Variants in WDFY2 observed in about 807,000 individuals in gnomAD.
WDFY2 encodes WD repeat and FYVE domain containing 2.
In WDFY2, 36 loss-of-function variants were observed where a neutral mutation model predicts 56.4. The ratio of observed to expected loss-of-function variants is 0.64; its 90% confidence interval spans 0.49 to 0.84. WDFY2 has a LOEUF of 0.84. WDFY2 is among the 40% of genes least tolerant of loss of function. WDFY2 has a pLI of 0.00. For synonymous variants in WDFY2, 176 were observed against 183.7 expected (o/e 0.96, Z 0.34); for missense variants, 444 against 512.2 (o/e 0.87, Z 1.29).
chr13:51,753,363 G>A (rs1014642533), intron 8 of WDFY2, among the ~76,000 whole-genome samples: 3 of 152,170 alleles, frequency 2.0e-5, no homozygotes, highest in Non-Finnish European at 4.4e-5. Flanking sequence ...GAGTGACATT[G>A]CATAGGTTGA....
intron 1 of WDFY2, among the ~76,000 whole-genome samples, chr13:51,611,598 G>A (rs1216543481): frequency 6.6e-6 from 1 of 152,136 alleles, no homozygotes; most frequent in African/African-American, 2.4e-5. Flanking sequence ...TCAGTTGTCT[G>A]CTTCATTCTT....
At chr13:51,745,973 C>CTTTTTTTTTTTTTTTTTTTTT (rs59572351) in intron 7 of WDFY2, among the ~76,000 whole-genome samples, 4 of 100,760 alleles carry the variant, frequency 4.0e-5, no homozygotes, top group Non-Finnish European at 5.7e-5. Flanking sequence ...TTTTCTTTTT[C>CTTTTTTTTTTTTTTTTTTTTT]TTTTTTTTTT....
chr13:51,697,929 G>C (rs1284248186), intron 3 of WDFY2, among the ~76,000 whole-genome samples: 1 of 152,108 alleles, frequency 6.6e-6, no homozygotes, highest in Non-Finnish European at 1.5e-5. Flanking sequence ...TTAAAGAAAA[G>C]CTTCTTAATC....
chr13:51,754,841 T>C (rs971976850), intron 8 of WDFY2, among the ~76,000 whole-genome samples: 1 of 152,276 alleles, frequency 6.6e-6, no homozygotes, highest in African/African-American at 2.4e-5. Context: ...TAGTTTATTA[T>C]ATATTGAACA....
At chr13:51,735,770 T>TA (rs1297953968) in intron 6 of WDFY2, among the ~76,000 whole-genome samples, 1 of 152,140 alleles carries the variant, frequency 6.6e-6, no homozygotes, top group African/African-American at 2.4e-5. Flanking sequence ...ACCTCATTGT[T>TA]AGGACATTTA....
chr13:51,587,840 G>T (rs937290175), intron 1 of WDFY2: 3 of 152,152 alleles, frequency 2.0e-5, no homozygotes, highest in Non-Finnish European at 4.4e-5. Flanking sequence ...TCCCGTTGGA[G>T]GATTCTTTGA....
intron 1 of WDFY2, among the ~76,000 whole-genome samples, chr13:51,619,468 A>C (rs1593887144): frequency 6.6e-6 from 1 of 152,096 alleles, no homozygotes; most frequent in African/African-American, 2.4e-5. Context: ...AAGCCTCCAG[A>C]AGGTATCAGA....
chr13:51,642,044 T>C (rs1955177787), intron 1 of WDFY2, among the ~76,000 whole-genome samples: 1 of 152,094 alleles, frequency 6.6e-6, no homozygotes, highest in African/African-American at 2.4e-5. Context: ...TGAGATATTA[T>C]CTCTCAATTA....
At chr13:51,585,518 A>G (rs912108969) in intron 1 of WDFY2, among the ~76,000 whole-genome samples, 5 of 152,230 alleles carry the variant, frequency 3.3e-5, no homozygotes, top group African/African-American at 1.2e-4. Context: ...AATTTTGCTT[A>G]ATATGCAGAA....
intron 1 of WDFY2, among the ~76,000 whole-genome samples, chr13:51,634,648 A>G (rs1293657662): frequency 6.6e-6 from 1 of 152,134 alleles, no homozygotes; most frequent in African/African-American, 2.4e-5. Flanking sequence ...CGTCTCTACT[A>G]AAAAATGCAA....
At chr13:51,607,346 T>A (rs1300094235) in intron 1 of WDFY2, among the ~76,000 whole-genome samples, 1 of 152,214 alleles carries the variant, frequency 6.6e-6, no homozygotes, top group African/African-American at 2.4e-5. Flanking sequence ...GAGGCCACTT[T>A]CAGTGCACCA....
intron 6 of WDFY2, among the ~76,000 whole-genome samples, chr13:51,734,960 G>A (rs183820826): frequency 6.8e-4 from 103 of 152,352 alleles, no homozygotes; most frequent in Non-Finnish European, 1.3e-3. Context: ...TGTGGGTTGG[G>A]GTATGAGATA....
At chr13:51,731,455 A>G (rs986980073) in intron 6 of WDFY2, among the ~76,000 whole-genome samples, 13 of 152,234 alleles carry the variant, frequency 8.5e-5, no homozygotes, top group African/African-American at 2.9e-4. Flanking sequence ...ATCAAGAAAT[A>G]TATTTGAGAA....
At position 51,724,379 on chromosome 13, in the gene WDFY2, A is replaced by T. The variant is rs114347113; in HGVS notation, c.486-3299A>T. On this transcript the variant is annotated intron_variant, in intron 5 of 11. Coordinates refer to ENST00000298125, the MANE Select transcript of WDFY2 (RefSeq NM_052950.4). ...CAGCCTCCCGGGTAGCTGAAATTACAGGCACTGACCACCGCGCCCAGCTAA... is the reference window on the plus strand; with the variant it reads ...CAGCCTCCCGGGTAGCTGAAATTACTGGCACTGACCACCGCGCCCAGCTAA... Among the ~76,000 whole-genome samples the T allele has an allele frequency of 5.6e-3, 845 of 151,850 alleles. 5 individuals are homozygous for T. The highest frequency in any genetic ancestry group is 0.019 in the African/African-American group (791 of 41,384).
At chr13:51,611,783 G>T (rs1451140362) in intron 1 of WDFY2, among the ~76,000 whole-genome samples, 6 of 152,156 alleles carry the variant, frequency 3.9e-5, no homozygotes, top group Admixed American at 3.9e-4. Context: ...AGGGAAGTCT[G>T]CTGGTCATAA....
intron 2 of WDFY2, among the ~76,000 whole-genome samples, chr13:51,662,958 T>G (rs1484115722): frequency 6.6e-6 from 1 of 152,322 alleles, no homozygotes; most frequent in African/African-American, 2.4e-5. Flanking sequence ...AATGTACTCT[T>G]GGGTTCTACC....
At chr13:51,586,699 T>C (rs1467267355) in intron 1 of WDFY2, 1 of 152,202 alleles carries the variant, frequency 6.6e-6, no homozygotes, top group African/African-American at 2.4e-5. Context: ...CATTTGATTA[T>C]AGGATGAAAG....
intron 3 of WDFY2, among the ~76,000 whole-genome samples, chr13:51,687,542 A>C (rs1227213697): frequency 1.3e-5 from 2 of 151,938 alleles, no homozygotes; most frequent in Non-Finnish European, 2.9e-5. Context: ...TTTAAGGCAG[A>C]GTAACAGTCA....
chr13:51,683,411 T>C (rs1956010179), intron 3 of WDFY2, among the ~76,000 whole-genome samples: 3 of 152,230 alleles, frequency 2.0e-5, no homozygotes, highest in Admixed American at 2.0e-4. Flanking sequence ...TGATTTTTAC[T>C]TTGAGTTCAT....
Sources: gnomAD v4.1 joint callset for allele counts (sites outside exome capture counted in the v4.1 genomes callset) on GRCh38, gnomAD v4.1.1 for gene constraint, MANE v1.5 for transcripts, NCBI Gene and HGNC (gene_info 2026-07-23, HGNC 2026-07-21) for gene names.